The following PAWR variants were observed in gnomAD, a reference collection of about 807,000 sequenced individuals.
PAWR encodes pro-apoptotic WT1 regulator, also known as PRKC apoptosis WT1 regulator protein.
PAWR carries 23 observed loss-of-function variants against 32.0 expected under a neutral mutation model. The ratio of observed to expected loss-of-function variants is 0.72; its 90% confidence interval spans 0.52 to 1.02. PAWR has a LOEUF of 1.02. Among genes scored for constraint, PAWR ranks in the 50% least tolerant of loss-of-function variants. PAWR has a pLI of 0.00. For synonymous variants in PAWR, 226 were observed against 187.1 expected (o/e 1.21, Z -1.70); for missense variants, 457 against 437.7 (o/e 1.04, Z -0.39).
At chr12:79,614,230 G>A (rs1206486619) in intron 3 of PAWR, among the ~76,000 whole-genome samples, 1 of 150,414 alleles carries the variant, frequency 6.6e-6, no homozygotes, top group African/African-American at 2.4e-5. Context: ...GATTGGTCTC[G>A]AACTCCTGAC....
At chr12:79,658,698 G>GA (rs368827751) in intron 2 of PAWR, among the ~76,000 whole-genome samples, 3 of 152,078 alleles carry the variant, frequency 2.0e-5, no homozygotes, top group African/African-American at 7.2e-5. Flanking sequence ...CAGTTGGAAT[G>GA]AATCTGTAAG....
At position 79,586,779 on chromosome 12, in the gene PAWR, T is replaced by G. The variant is rs889295635; in HGVS notation, c.*5828A>C. 5 of 152,172 alleles carry G rather than the reference T, an allele frequency of 3.3e-5. No individual in the cohort carries two copies. The highest frequency in any genetic ancestry group is 7.4e-5 in the Non-Finnish European group (5 of 68,010). 9.4% of individuals were successfully genotyped at this position (152,172 alleles called of 1,614,324 possible). ...TTTTGATTCAGTCATAACAGATTTT[T>G]GAAAGTGACAGTAAAATTATGCATT... is the stretch of plus-strand genomic sequence containing the variant. On this transcript the variant is annotated 3_prime_UTR_variant, in exon 7 of 7. Coordinates refer to ENST00000328827, the MANE Select transcript of PAWR (RefSeq NM_002583.4).
At chr12:79,595,356 G>C (rs1307179778) in intron 5 of PAWR, among the ~76,000 whole-genome samples, 1 of 152,172 alleles carries the variant, frequency 6.6e-6, no homozygotes, top group Non-Finnish European at 1.5e-5. Flanking sequence ...AAGGGAAGCA[G>C]AGCTCAAAAG....
intron 2 of PAWR, among the ~76,000 whole-genome samples, chr12:79,637,782 T>C (rs1467240113): frequency 1.3e-5 from 2 of 152,002 alleles, no homozygotes; most frequent in Non-Finnish European, 1.5e-5. Flanking sequence ...ATTTAAAACG[T>C]ACAAATTTTC....
intron 2 of PAWR, among the ~76,000 whole-genome samples, chr12:79,686,839 G>A (rs1178972701): frequency 5.9e-5 from 9 of 152,012 alleles, no homozygotes; most frequent in Non-Finnish European, 1.0e-4. Flanking sequence ...TCATTAAGAT[G>A]GCTTTTAAAC....
intron 2 of PAWR, among the ~76,000 whole-genome samples, chr12:79,626,709 T>G (rs1272459438): frequency 9.2e-5 from 14 of 151,956 alleles, no homozygotes; most frequent in Non-Finnish European, 2.9e-5. Flanking sequence ...CATTTAACAT[T>G]AGGTATATCT....
At chr12:79,681,136 G>A (rs1192790030) in intron 2 of PAWR, among the ~76,000 whole-genome samples, 2 of 139,690 alleles carry the variant, frequency 1.4e-5, no homozygotes, top group African/African-American at 2.7e-5. Flanking sequence ...AGGGAGGGGA[G>A]GGGAGGGGTG....
intron 2 of PAWR, among the ~76,000 whole-genome samples, chr12:79,665,406 C>T (rs1309361929): frequency 6.6e-6 from 1 of 152,178 alleles, no homozygotes; most frequent in Non-Finnish European, 1.5e-5. Context: ...CCACATCTAA[C>T]CCACATTAAA....
At chr12:79,647,770 T>C (rs1030660263) in intron 2 of PAWR, among the ~76,000 whole-genome samples, 1 of 152,162 alleles carries the variant, frequency 6.6e-6, no homozygotes, top group African/African-American at 2.4e-5. Context: ...AAAAGTATAA[T>C]ATAAAGGCAA....
chr12:79,676,023 CAG>C (rs762029265), intron 2 of PAWR, among the ~76,000 whole-genome samples: 2 of 149,776 alleles, frequency 1.3e-5, no homozygotes, highest in South Asian at 4.2e-4. Flanking sequence ...AAGTTGGAAA[CAG>C]AGGAAAAAAA....
chr12:79,614,000 T>A (rs1412968976), intron 3 of PAWR, among the ~76,000 whole-genome samples: 2 of 37,696 alleles, frequency 5.3e-5, no homozygotes, highest in African/African-American at 1.5e-4. Context: ...TTTTTTTTTT[T>A]TTTTTTTTTT....
chr12:79,660,163 A>G (rs1177418048), intron 2 of PAWR, among the ~76,000 whole-genome samples: 1 of 152,212 alleles, frequency 6.6e-6, no homozygotes, highest in Non-Finnish European at 1.5e-5. Context: ...AATCAGCTAC[A>G]GTGAACTGTC....
rs1878893292 is a variant in PAWR, at chr12:79,689,873, C to G, written c.372G>C (p.Gln124His). The change falls in exon 2 of 7, where the codon CAG becomes CAC. Residue 124 changes from glutamine to histidine, a missense_variant. By Grantham distance (24) the Gln-to-His change is conservative. Coordinates refer to ENST00000328827, the MANE Select transcript of PAWR (RefSeq NM_002583.4). ...AASASAAPPP[Q>H]RDEEEPDGVP... ...CGCCGTCCGGCTCCTCCTCGTCACGCTGGGGCGGCGGTGCAGCCGAGGCAG... is the reference window on the plus strand; with the variant it reads ...CGCCGTCCGGCTCCTCCTCGTCACGGTGGGGCGGCGGTGCAGCCGAGGCAG... The G allele has an allele frequency of 1.3e-6, 2 of 1,562,924 alleles. No homozygotes were observed. The highest frequency in any genetic ancestry group is 2.4e-5 in the East Asian group (1 of 41,330).
At chr12:79,639,881 T>TATTCCTATTCCTATTCCTATTCCTATTCC in intron 2 of PAWR, among the ~76,000 whole-genome samples, 50 of 112,506 alleles carry the variant, frequency 4.4e-4, no homozygotes, top group African/African-American at 2.3e-3. Context: ...TTCCTATTCC[T>TATTCCTATTCCTATTCCTATTCCTATTCC]ATTCCATTCC....
chr12:79,620,764 A>C (rs529905647), intron 3 of PAWR, among the ~76,000 whole-genome samples: 1 of 152,304 alleles, frequency 6.6e-6, no homozygotes, highest in Admixed American at 6.5e-5. Context: ...GGAGTTGTCA[A>C]AACCTAATCA....
chr12:79,677,933 A>G (rs908067892), intron 2 of PAWR, among the ~76,000 whole-genome samples: 1 of 152,132 alleles, frequency 6.6e-6, no homozygotes, highest in Admixed American at 6.5e-5. Flanking sequence ...ACTAGAATCA[A>G]ACTCTAGCAA....
intron 4 of PAWR, among the ~76,000 whole-genome samples, chr12:79,608,982 T>C (rs562572610): frequency 6.6e-6 from 1 of 152,136 alleles, no homozygotes; most frequent in Admixed American, 6.5e-5. Flanking sequence ...GAGGTAAAGG[T>C]TGCTTCAGCC....
intron 3 of PAWR, among the ~76,000 whole-genome samples, chr12:79,613,934 TATATATATATATATATATATATATA>T (rs1874559373): frequency 7.5e-4 from 3 of 3,984 alleles, no homozygotes; most frequent in East Asian, 0.016. Flanking sequence ...ACCACCATTA[TATATATATATATATATATATATATA>T]TATATATATA....
At chr12:79,672,460 G>A (rs1377666971) in intron 2 of PAWR, among the ~76,000 whole-genome samples, 2 of 151,888 alleles carry the variant, frequency 1.3e-5, no homozygotes, top group African/African-American at 4.8e-5. Flanking sequence ...CTCCTACCTA[G>A]AACATTTTTA....
Sources: gnomAD v4.1 joint callset for allele counts (sites outside exome capture counted in the v4.1 genomes callset) on GRCh38, gnomAD v4.1.1 for gene constraint, MANE v1.5 for transcripts, NCBI Gene and HGNC (gene_info 2026-07-23, HGNC 2026-07-21) for gene names.